The following MACROD2 variants were observed in gnomAD, a reference collection of about 807,000 sequenced individuals.
The protein encoded by MACROD2 is mono-ADP ribosylhydrolase 2.
Under a neutral mutation model 70.4 loss-of-function variants are expected in MACROD2, and 36 were observed. The observed-to-expected ratio is 0.51, with a 90% CI of 0.39 to 0.68. The LOEUF is 0.68. Among genes scored for constraint, MACROD2 ranks in the 30% least tolerant of loss-of-function variants. The probability of loss-of-function intolerance (pLI) is 0.00; values close to 1 mark genes in which losing one functional copy is unlikely to be tolerated. For synonymous variants in MACROD2, 172 were observed against 178.8 expected, an observed-to-expected ratio of 0.96 and a Z score of 0.30; for missense variants, 496 against 538.4, an observed-to-expected ratio of 0.92 and a Z score of 0.78.
intron 3 of MACROD2, among the ~76,000 whole-genome samples, chr20:14,454,506 T>A (rs1432161007): frequency 6.6e-6 from 1 of 150,720 alleles, no homozygotes; most frequent in East Asian, 1.9e-4. Context: ...CACAAGAGAG[T>A]GGTTTATTTT....
At chr20:15,185,255 T>G (rs2076527121) in intron 5 of MACROD2, among the ~76,000 whole-genome samples, 1 of 152,132 alleles carries the variant, frequency 6.6e-6, no homozygotes, top group South Asian at 2.1e-4. Context: ...GAGAAGAAAA[T>G]AATTAGTCTG....
chr20:15,337,911 A>T (rs1053787590), intron 6 of MACROD2, among the ~76,000 whole-genome samples: 9 of 151,720 alleles, frequency 5.9e-5, no homozygotes, highest in Non-Finnish European at 1.3e-4. Context: ...GTTACACTGA[A>T]TCATGTTAGT....
chr20:15,301,548 T>A (rs2077642419), intron 6 of MACROD2, among the ~76,000 whole-genome samples: 1 of 151,150 alleles, frequency 6.6e-6, no homozygotes, highest in African/African-American at 2.4e-5. Context: ...TATTTAAGAA[T>A]CTTACTTATC....
chr20:15,457,970 G>A (rs4814379), intron 7 of MACROD2, among the ~76,000 whole-genome samples: 74,308 of 148,828 alleles, frequency 0.5, 19,505 homozygotes, highest in African/African-American at 0.66. Context: ...AAAGAAAAAA[G>A]AAAAACAAGT....
At chr20:14,008,530 A>G (rs1040749832) in intron 2 of MACROD2, among the ~76,000 whole-genome samples, 1 of 152,198 alleles carries the variant, frequency 6.6e-6, no homozygotes, top group African/African-American at 2.4e-5. Context: ...TATTACAAAA[A>G]TGGTCATACT....
rs767313401 is a variant in MACROD2, at chr20:15,499,859, G to T, written c.645+12G>T. 1 of 1,610,766 alleles carries T rather than the reference G, an allele frequency of 6.2e-7. No homozygotes were observed. Among genetic ancestry groups the T allele is most frequent in the South Asian group, 1.1e-5 (1 of 90,976 alleles). Reference sequence around the variant, plus strand: ...AGAATCACCATGAGGTAGGAGGAACGACATAATCAGTGAACATCCAAGATG... The same window carrying T: ...AGAATCACCATGAGGTAGGAGGAACTACATAATCAGTGAACATCCAAGATG... On this transcript the variant is annotated intron_variant, in intron 8 of 17. Transcript: ENST00000684519.
intron 5 of MACROD2, among the ~76,000 whole-genome samples, chr20:15,048,577 A>C (rs769820653): frequency 1.3e-4 from 20 of 152,200 alleles, no homozygotes; most frequent in Admixed American, 3.3e-4. Context: ...ACATACATAT[A>C]AAATATCATT....
At chr20:15,133,880 AATTAT>A (rs1379919237) in intron 5 of MACROD2, among the ~76,000 whole-genome samples, 2 of 150,960 alleles carry the variant, frequency 1.3e-5, no homozygotes, top group Non-Finnish European at 2.9e-5. Flanking sequence ...TAGTATATAC[AATTAT>A]ATTAATACTT....
intron 3 of MACROD2, among the ~76,000 whole-genome samples, chr20:14,275,057 A>G (rs1011372737): frequency 2.0e-5 from 3 of 152,222 alleles, no homozygotes; most frequent in African/African-American, 7.2e-5. Flanking sequence ...AATATCGTGA[A>G]AGGTAATTTA....
intron 5 of MACROD2, among the ~76,000 whole-genome samples, chr20:15,095,116 G>A (rs1431100302): frequency 7.9e-6 from 1 of 126,810 alleles, no homozygotes; most frequent in Non-Finnish European, 1.6e-5. Flanking sequence ...TCGCTCTGTC[G>A]TCCAGGCTGG....
chr20:15,964,425 C>A (rs898256251), intron 12 of MACROD2, among the ~76,000 whole-genome samples: 14 of 151,998 alleles, frequency 9.2e-5, no homozygotes, highest in Admixed American at 7.9e-4. Context: ...CTCTCTGGGA[C>A]CTTTTTAAAT....
intron 7 of MACROD2, among the ~76,000 whole-genome samples, chr20:15,438,682 A>G (rs970242966): frequency 6.6e-6 from 1 of 152,172 alleles, no homozygotes; most frequent in Non-Finnish European, 1.5e-5. Flanking sequence ...ATGTTGCTCC[A>G]TAGATTGCTG....
intron 4 of MACROD2, among the ~76,000 whole-genome samples, chr20:14,671,809 G>A (rs562300454): frequency 6.6e-6 from 1 of 152,106 alleles, no homozygotes; most frequent in East Asian, 1.9e-4. Flanking sequence ...TTCAAGATGT[G>A]GATCTCCTTG....
intron 5 of MACROD2, among the ~76,000 whole-genome samples, chr20:14,906,362 C>T (rs577875001): frequency 1.5e-4 from 23 of 152,210 alleles, no homozygotes; most frequent in South Asian, 8.3e-4. Flanking sequence ...GGCGTAGTGG[C>T]GCATGCCTGT....
At chr20:14,436,212 G>A (rs544987376) in intron 3 of MACROD2, among the ~76,000 whole-genome samples, 3 of 152,084 alleles carry the variant, frequency 2.0e-5, no homozygotes, top group South Asian at 2.1e-4. Context: ...GTGATACAAT[G>A]TCATGCATTT....
chr20:15,373,038 C>T (rs187041029), intron 6 of MACROD2, among the ~76,000 whole-genome samples: 105 of 152,092 alleles, frequency 6.9e-4, no homozygotes, highest in African/African-American at 2.4e-3. Flanking sequence ...CCAGCCTGGG[C>T]CACAGGAGAA....
intron 9 of MACROD2, among the ~76,000 whole-genome samples, chr20:15,865,996 G>A (rs928395157): frequency 6.6e-6 from 1 of 152,164 alleles, no homozygotes; most frequent in Non-Finnish European, 1.5e-5. Flanking sequence ...TATTGGGTTT[G>A]GGGTCAGCTG....
intron 5 of MACROD2, among the ~76,000 whole-genome samples, chr20:14,975,116 A>G (rs1029785573): frequency 3.9e-5 from 6 of 152,060 alleles, no homozygotes; most frequent in Non-Finnish European, 8.8e-5. Flanking sequence ...AACCCCTGAC[A>G]AATTTTGGTA....
At chr20:15,189,136 C>T (rs1264436786) in intron 5 of MACROD2, among the ~76,000 whole-genome samples, 2 of 152,064 alleles carry the variant, frequency 1.3e-5, no homozygotes, top group Admixed American at 6.6e-5. Context: ...CATGATTTAT[C>T]ATGCCACCTT....
Sources: allele counts gnomAD v4.1 joint callset (sites outside exome capture counted in the v4.1 genomes callset), GRCh38; gene constraint gnomAD v4.1.1; transcripts MANE v1.5; gene names NCBI Gene and HGNC (gene_info 2026-07-23, HGNC 2026-07-21).